Variants in NCAPD3 observed in about 807,000 individuals in gnomAD.
NCAPD3 encodes non-SMC condensin II complex subunit D3.
Under a neutral mutation model 182.9 loss-of-function variants are expected in NCAPD3, and 105 were observed. The observed-to-expected ratio is 0.57, with a 90% CI of 0.49 to 0.68. The LOEUF (loss-of-function observed/expected upper bound fraction) is 0.68. Ranked by LOEUF, NCAPD3 falls within the 30% of genes least tolerant of loss-of-function variation. The pLI is 0.00. For missense variants in NCAPD3, 1,944 were observed against 1,837.0 expected (o/e 1.06, Z -1.07); for synonymous variants, 815 against 679.9 (o/e 1.20, Z -3.09).
At chr11:134,219,407 T>C (rs895226407) in intron 2 of NCAPD3, among the ~76,000 whole-genome samples, 5 of 152,182 alleles carry the variant, frequency 3.3e-5, no homozygotes, top group African/African-American at 1.2e-4. Flanking sequence ...CTAGACCTAC[T>C]TTGGCTAGTG....
chr11:134,167,431 C>G (rs1431781994), intron 27 of NCAPD3, among the ~76,000 whole-genome samples: 1 of 102,952 alleles, frequency 9.7e-6, no homozygotes, highest in Non-Finnish European at 2.0e-5. Flanking sequence ...TTGGGGGAGG[C>G]GCACACTCGT....
At chr11:134,175,331 T>C (rs1195928110) in intron 24 of NCAPD3, among the ~76,000 whole-genome samples, 1 of 152,220 alleles carries the variant, frequency 6.6e-6, no homozygotes, top group Non-Finnish European at 1.5e-5. Context: ...AGAGTCAGTA[T>C]AGTGGACACG....
intron 27 of NCAPD3, among the ~76,000 whole-genome samples, chr11:134,163,769 G>A (rs1231625968): frequency 1.3e-5 from 2 of 150,122 alleles, no homozygotes; most frequent in African/African-American, 2.5e-5. Flanking sequence ...CTACTCGGGA[G>A]GCTGAGGCAG....
At chr11:134,190,522 T>C (rs1591846114) in intron 16 of NCAPD3, among the ~76,000 whole-genome samples, 2 of 152,342 alleles carry the variant, frequency 1.3e-5, no homozygotes, top group African/African-American at 4.8e-5. Context: ...GGTCTTGCTC[T>C]GTCGCCCAGG....
chr11:134,207,742 CAAAAAAAA>C (rs34965902), intron 7 of NCAPD3, among the ~76,000 whole-genome samples: 1 of 62,100 alleles, frequency 1.6e-5, no homozygotes, highest in Admixed American at 2.1e-4. Context: ...GACTGCGTCT[CAAAAAAAA>C]AAAAAAAAAA....
chr11:134,178,827 T>A lies in NCAPD3; in HGVS notation c.2669A>T (p.Asp890Val), dbSNP rs751692632. 1.2e-6 allele frequency: 2 copies of A among 1,613,904 alleles called. No homozygotes were observed. Among genetic ancestry groups the A allele is most frequent in the South Asian group, 2.2e-5 (2 of 91,052 alleles). The change falls in exon 21 of 35, where the codon GAC (aspartate) becomes GTC (valine). Residue 890 changes from aspartate (D) to valine (V), a missense_variant. By Grantham distance (152) the Asp-to-Val change is radical. Around this residue, in one of 3 missense-constraint regions of NCAPD3, gnomAD observed 1,803 missense variants for 1,674.6 expected, o/e 1.08. Coordinates refer to ENST00000534548, the MANE Select transcript of NCAPD3 (RefSeq NM_015261.3). Reference protein sequence around the residue: ...QSVLASSADADHSPSSQGSSE... With the variant: ...QSVLASSADAVHSPSSQGSSE... Reference sequence around the variant, plus strand: ...TATGATTTCAAATGCCTTACAGTGGTCAGCATCAGCAGACGAAGCCAGGAC... The same window carrying A: ...TATGATTTCAAATGCCTTACAGTGGACAGCATCAGCAGACGAAGCCAGGAC...
rs146587447 is a variant in NCAPD3 at position 134,216,826 on chromosome 11, A to T, written c.382+110T>A. On this transcript the variant is annotated intron_variant, in intron 3 of 34. Coordinates refer to ENST00000534548, the MANE Select transcript of NCAPD3 (RefSeq NM_015261.3). The stretch of plus-strand genomic sequence containing the variant: ...TCGCAACAACTCTCTGCCATGGGTT[A>T]GCACTGCCCCATTTATAAGTGAAGA... 3.7e-5 allele frequency: 41 copies of T among 1,099,868 alleles called. No individual in the cohort carries two copies. The African/African-American group carries it at 6.4e-4, about 17-fold the overall frequency. 68.1% of individuals were successfully genotyped at this position (1,099,868 alleles called of 1,614,324 possible).
rs1944381435 is a variant in NCAPD3, at chr11:134,185,346, C to A, written c.2226G>T (p.Glu742Asp). The A allele has an allele frequency of 6.2e-7, 1 of 1,604,136 alleles. No homozygotes were observed. The highest frequency in any genetic ancestry group is 1.1e-5 in the South Asian group (1 of 88,664). ...TAGAAGATACAAACCTGCTGATTTT[C>A]TCCCAAGATTGTATTATTCTGCTGT... The part of the protein sequence containing the change: ...LDYSRIIQSW[E>D]KISSQQNPNS... The change falls in exon 17 of 35, where the codon GAG becomes GAT. Residue 742 changes from glutamate (E) to aspartate (D), a missense_variant. Glu to Asp is a conservative substitution (Grantham distance 45, BLOSUM62 2). Transcript: ENST00000534548.
chr11:134,166,845 GC>G (rs1943831129), intron 27 of NCAPD3, among the ~76,000 whole-genome samples: 1 of 107,022 alleles, frequency 9.3e-6, no homozygotes. Flanking sequence ...CTTGGGGGAG[GC>G]GCACACTCAT....
chr11:134,166,044 A>T (rs375802488), intron 27 of NCAPD3, among the ~76,000 whole-genome samples: 5 of 82,114 alleles, frequency 6.1e-5, no homozygotes, highest in African/African-American at 1.6e-4. Flanking sequence ...CACACTCACT[A>T]GTGAGATGAG....
At chr11:134,191,734 G>C (rs981885877) in intron 16 of NCAPD3, among the ~76,000 whole-genome samples, 2 of 152,174 alleles carry the variant, frequency 1.3e-5, no homozygotes, top group African/African-American at 4.8e-5. Flanking sequence ...GCATAGGGTG[G>C]GTAGAGGTTG....
chr11:134,192,154 A>G (rs1278648631), intron 16 of NCAPD3, among the ~76,000 whole-genome samples: 4 of 152,218 alleles, frequency 2.6e-5, no homozygotes, highest in Non-Finnish European at 5.9e-5. Flanking sequence ...CCAAGGCTGC[A>G]GAATGGTATT....
intron 1 of NCAPD3, among the ~76,000 whole-genome samples, chr11:134,221,184 T>C (rs1938212544): frequency 6.6e-6 from 1 of 152,146 alleles, no homozygotes; most frequent in Admixed American, 6.5e-5. Flanking sequence ...ACATATATAA[T>C]TTCTCCAGGA....
At position 134,163,660 on chromosome 11, in the gene NCAPD3, C is replaced by T. The variant is rs1225034454; in HGVS notation, c.3574-1769G>A. On this transcript the variant is annotated intron_variant, in intron 27 of 34. Coordinates refer to ENST00000534548, the MANE Select transcript of NCAPD3 (RefSeq NM_015261.3). ...AGCTTGCACTGAGCAGAGATCGTAC[C>T]ACTGCACTCCAGCCTGGGCAACAGT... 2.1e-5 allele frequency among the ~76,000 whole-genome samples: 3 copies of T among 140,994 alleles called. No homozygotes were observed. The East Asian group carries it at 6.2e-4, about 29-fold the overall frequency. The allele number at this position is 140,994 out of a possible 152,430, so 92.5% of individuals were successfully genotyped here. A position where few individuals can be genotyped will look rare whatever the true frequency, so the allele number is the denominator to read the frequency against.
chr11:134,183,025 C>T (rs1944329536), intron 19 of NCAPD3: 2 of 449,376 alleles, frequency 4.5e-6, no homozygotes, highest in Non-Finnish European at 8.9e-6. Flanking sequence ...GAAGACAGTT[C>T]TTGCCTTCCT....
chr11:134,176,578 G>A (rs1231574600), intron 23 of NCAPD3, among the ~76,000 whole-genome samples, 192 bp from the exon 24 acceptor site: 1 of 152,196 alleles, frequency 6.6e-6, no homozygotes, highest in Non-Finnish European at 1.5e-5. Context: ...TCTACCACAG[G>A]AGAAAAATGA....
chr11:134,223,822 C>A, intron 1 of NCAPD3, 41 bp downstream of exon 1: 1 of 1,598,860 alleles, frequency 6.3e-7, no homozygotes, highest in Non-Finnish European at 8.5e-7. Flanking sequence ...CGCATAGGAC[C>A]CTCGCCCTGG....
chr11:134,167,549 TC>T (rs1203390346), intron 27 of NCAPD3, among the ~76,000 whole-genome samples: 35 of 120,712 alleles, frequency 2.9e-4, no homozygotes, highest in African/African-American at 1.1e-3. Flanking sequence ...TGAGATGAGC[TC>T]GGGGGAGCTG....
intron 3 of NCAPD3, among the ~76,000 whole-genome samples, chr11:134,214,047 G>A (rs1251627401): frequency 6.6e-6 from 1 of 151,488 alleles, no homozygotes; most frequent in Non-Finnish European, 1.5e-5. Flanking sequence ...TGTAAGTCTT[G>A]AATAACATTT....
Sources: allele counts gnomAD v4.1 joint callset (sites outside exome capture counted in the v4.1 genomes callset), GRCh38; gene constraint gnomAD v4.1.1; regional missense constraint gnomAD v4.1.1; transcripts MANE v1.5; gene names NCBI Gene and HGNC (gene_info 2026-07-23, HGNC 2026-07-21).